PTBP2: variants seen among roughly 807,000 people sequenced by gnomAD.
PTBP2 encodes polypyrimidine tract-binding protein 2.
Under a neutral mutation model 61.4 loss-of-function variants are expected in PTBP2, and 13 were observed. That is an observed-to-expected ratio of 0.21 (90% CI 0.14 to 0.34). The LOEUF (loss-of-function observed/expected upper bound fraction) is 0.34. Among genes scored for constraint, PTBP2 ranks in the 10% least tolerant of loss-of-function variants. PTBP2 has a pLI of 1.00. For synonymous variants in PTBP2, 215 were observed against 218.5 expected (o/e 0.98, Z 0.14); for missense variants, 405 against 642.6 (o/e 0.63, Z 4.00).
intron 7 of PTBP2, 50 bp downstream of exon 7, chr1:96,777,996 T>TTTTTCTACATATACATTTC: frequency 1.0e-6 from 1 of 961,944 alleles, no homozygotes; most frequent in Non-Finnish European, 1.6e-6. Flanking sequence ...AATGTATATG[T>TTTTTCTACATATACATTTC]AGAAAAATAT....
At chr1:96,819,165 A>G (rs1662591173), downstream of PTBP2, 1 of 151,942 alleles carries the variant, frequency 6.6e-6, no homozygotes, top group South Asian at 2.1e-4. Flanking sequence ...TACTCAGGTC[A>G]TTTTCATAAA....
At chr1:96,731,903 A>G (rs1384779099) in intron 2 of PTBP2, among the ~76,000 whole-genome samples, 1 of 152,170 alleles carries the variant, frequency 6.6e-6, no homozygotes, top group Non-Finnish European at 1.5e-5. Flanking sequence ...TCGGCCTATT[A>G]CTTGGGAAGA....
intron 8 of PTBP2, among the ~76,000 whole-genome samples, chr1:96,798,717 G>A (rs969940803): frequency 1.3e-5 from 2 of 152,132 alleles, no homozygotes; most frequent in African/African-American, 4.8e-5. Flanking sequence ...ATCTGATAAT[G>A]GACTTTTGTT....
chr1:96,815,465 G>A (rs950876710), downstream of PTBP2: 1 of 152,148 alleles, frequency 6.6e-6, no homozygotes, highest in Non-Finnish European at 1.5e-5. Flanking sequence ...TTTAACAACT[G>A]AGGATGTTAC....
intron 11 of PTBP2, among the ~76,000 whole-genome samples, chr1:96,810,174 A>G (rs918092739): frequency 2.6e-5 from 4 of 152,200 alleles, no homozygotes; most frequent in African/African-American, 9.6e-5. Context: ...GGAAATGTAA[A>G]AAATTACATT....
intron 8 of PTBP2, among the ~76,000 whole-genome samples, chr1:96,795,316 A>G (rs1258496085): frequency 6.6e-6 from 1 of 152,180 alleles, no homozygotes; most frequent in Non-Finnish European, 1.5e-5. Context: ...GTAAGAAACA[A>G]ATATGGGGAA....
rs765144770 is a variant in PTBP2 at position 96,769,715 on chromosome 1, A to C, written c.128A>C (p.Asp43Ala). 8.1e-6 allele frequency: 13 copies of C among 1,598,490 alleles called. No individual in the cohort carries two copies. Among genetic ancestry groups the C allele is most frequent in the Non-Finnish European group, 1.1e-5 (13 of 1,172,826 alleles). Reference protein sequence around the residue: ...SSMVVTANGNDSKKFKGEDKM... With the variant: ...SSMVVTANGNASKKFKGEDKM... ...TAATGTCTTTCAGCCAATGGTAATG[A>C]TAGTAAAAAATTTAAAGGAGAAGAT... Residue 43 changes from aspartate (D) to alanine (A), a missense_variant, in exon 4 of 14, where the codon GAT becomes GCT. Transcript: ENST00000674951.
chr1:96,775,713 TAAG>T (rs761475597), intron 5 of PTBP2, among the ~76,000 whole-genome samples: 16 of 152,180 alleles, frequency 1.1e-4, no homozygotes, highest in African/African-American at 3.1e-4. Context: ...AATATTTTGA[TAAG>T]AAGTTTTATT....
intron 8 of PTBP2, among the ~76,000 whole-genome samples, chr1:96,799,333 T>C (rs572579643): frequency 4.0e-4 from 58 of 143,956 alleles, no homozygotes; most frequent in African/African-American, 1.5e-3. Context: ...TCTTGCTCTG[T>C]CGCCCAGGCT....
chr1:96,819,398 C>A (rs1662600357), downstream of PTBP2: 1 of 152,002 alleles, frequency 6.6e-6, no homozygotes. Context: ...GCAATCTTAT[C>A]TATTGTCATG....
chr1:96,806,687 C>A, intron 10 of PTBP2, 179 bp from the exon 11 acceptor site: 1 of 659,816 alleles, frequency 1.5e-6, no homozygotes, highest in Non-Finnish European at 2.5e-6. Context: ...AAAAATTATT[C>A]TTTTCAAAAT....
chr1:96,747,069 T>A (rs1035032278), intron 2 of PTBP2, among the ~76,000 whole-genome samples: 2 of 151,494 alleles, frequency 1.3e-5, no homozygotes, highest in Non-Finnish European at 2.9e-5. Flanking sequence ...ACAGTTAGAT[T>A]TACAATCCTT....
chr1:96,796,251 G>T (rs1660368965), intron 8 of PTBP2, among the ~76,000 whole-genome samples: 1 of 147,594 alleles, frequency 6.8e-6, no homozygotes, highest in Non-Finnish European at 1.5e-5. Flanking sequence ...CCAACATTTT[G>T]AGACCAGCCT....
chr1:96,763,287 CATTGAGCACT>C (rs1325419447), intron 3 of PTBP2, among the ~76,000 whole-genome samples: 2 of 152,124 alleles, frequency 1.3e-5, no homozygotes, highest in African/African-American at 4.8e-5. Flanking sequence ...GCCTGGGCAC[CATTGAGCACT>C]GAGTGAACCA....
chr1:96,765,758 AC>A lies in PTBP2; in HGVS notation c.116-3942del, dbSNP rs1656631793. ...TAGATAGATAGATAGATACTGTGAA[AC>A]CCAGTGCTAGAGTGTTTATATTTAA... is the stretch of plus-strand genomic sequence containing the variant. On this transcript the variant is annotated intron_variant, in intron 3 of 13. Coordinates refer to ENST00000674951, the MANE Select transcript of PTBP2 (RefSeq NM_021190.4). Among the ~76,000 whole-genome samples the A allele has an allele frequency of 3.3e-5, 5 of 151,066 alleles. No homozygotes were observed. In the South Asian group the frequency reaches 1.1e-3, roughly 32 times the overall value.
intron 3 of PTBP2, among the ~76,000 whole-genome samples, chr1:96,765,424 A>G (rs373317766): frequency 6.6e-6 from 1 of 152,278 alleles, no homozygotes; most frequent in South Asian, 2.1e-4. Flanking sequence ...ATTATATGAG[A>G]AAGTAGGCCA....
intron 8 of PTBP2, among the ~76,000 whole-genome samples, chr1:96,786,346 A>G (rs1659201446): frequency 6.6e-6 from 1 of 151,966 alleles, no homozygotes; most frequent in Non-Finnish European, 1.5e-5. Flanking sequence ...CTTTATTCGA[A>G]TTTTCTGGTG....
At chr1:96,770,306 T>G (rs1055957824) in intron 4 of PTBP2, among the ~76,000 whole-genome samples, 1 of 152,118 alleles carries the variant, frequency 6.6e-6, no homozygotes, top group African/African-American at 2.4e-5. Context: ...TACTTGAGGT[T>G]AATCTGACAT....
chr1:96,731,178 A>G (rs1387267812), intron 2 of PTBP2, among the ~76,000 whole-genome samples: 1 of 152,204 alleles, frequency 6.6e-6, no homozygotes, highest in East Asian at 1.9e-4. Context: ...GTTTGTTGTT[A>G]TAACATGTGG....
Sources: gnomAD v4.1 joint callset for allele counts (sites outside exome capture counted in the v4.1 genomes callset) on GRCh38, gnomAD v4.1.1 for gene constraint, MANE v1.5 for transcripts, NCBI Gene and HGNC (gene_info 2026-07-23, HGNC 2026-07-21) for gene names.